Variants in GRM5 observed in about 807,000 individuals in gnomAD.
GRM5 encodes metabotropic glutamate receptor 5.
Under a neutral mutation model 83.1 loss-of-function variants are expected in GRM5, and 19 were observed. The ratio of observed to expected loss-of-function variants is 0.23; its 90% CI spans 0.16 to 0.34. The LOEUF is 0.34. Among genes scored for constraint, GRM5 ranks in the 10% least tolerant of loss-of-function variants. GRM5 has a pLI of 1.00. For synonymous variants in GRM5, 675 were observed against 633.6 expected (o/e 1.07, Z -0.98); for missense variants, 1,160 against 1,588.3 (o/e 0.73, Z 4.58).
intron 2 of GRM5, among the ~76,000 whole-genome samples, chr11:88,941,058 G>C (rs908848636): frequency 1.1e-4 from 16 of 151,778 alleles, no homozygotes; most frequent in Admixed American, 8.6e-4. Context: ...TTAGATCTTT[G>C]TTTCTAAACA....
At chr11:88,873,269 TTCAACACCCC>T (rs1257146251) in intron 2 of GRM5, among the ~76,000 whole-genome samples, 2 of 151,576 alleles carry the variant, frequency 1.3e-5, no homozygotes, top group African/African-American at 2.4e-5. Context: ...AGCGGTGGGT[TTCAACACCCC>T]ACTTTTAGCA....
chr11:88,993,089 A>G (rs1376268533), intron 2 of GRM5, among the ~76,000 whole-genome samples: 1 of 151,578 alleles, frequency 6.6e-6, no homozygotes, highest in East Asian at 1.9e-4. Flanking sequence ...ACATAGTGAA[A>G]CCCACCTCTA....
intron 2 of GRM5, among the ~76,000 whole-genome samples, chr11:88,872,571 G>A (rs1490952243): frequency 6.6e-6 from 1 of 151,212 alleles, no homozygotes; most frequent in African/African-American, 2.4e-5. Context: ...TGCAAGGAAG[G>A]GATGAAAAAT....
At chr11:88,560,193 C>T (rs182198000) in intron 8 of GRM5, among the ~76,000 whole-genome samples, 97 of 152,276 alleles carry the variant, frequency 6.4e-4, no homozygotes, top group African/African-American at 2.2e-3. Flanking sequence ...TGGCTCTATC[C>T]TGTCCTACTG....
At chr11:88,846,661 A>G (rs1944307979) in intron 3 of GRM5, among the ~76,000 whole-genome samples, 1 of 152,068 alleles carries the variant, frequency 6.6e-6, no homozygotes, top group Admixed American at 6.6e-5. Flanking sequence ...ACCTTCTAGT[A>G]GGCTCTAAAT....
intron 3 of GRM5, among the ~76,000 whole-genome samples, chr11:88,699,519 C>CCAT (rs1940979143): frequency 6.6e-6 from 1 of 152,124 alleles, no homozygotes; most frequent in African/African-American, 2.4e-5. Context: ...CTGGGCCTCT[C>CCAT]CATCATCTTC....
At chr11:88,853,400 C>T (rs1201694536) in intron 2 of GRM5, among the ~76,000 whole-genome samples, 1 of 151,960 alleles carries the variant, frequency 6.6e-6, no homozygotes, top group Non-Finnish European at 1.5e-5. Flanking sequence ...TAAAGTCACT[C>T]ACTCCCAATT....
chr11:88,820,531 T>C (rs959853346), intron 3 of GRM5, among the ~76,000 whole-genome samples: 31 of 152,338 alleles, frequency 2.0e-4, no homozygotes, highest in Admixed American at 1.2e-3. Context: ...CACTTTATAA[T>C]TTGAAAAACT....
At chr11:88,659,182 G>C (rs79689086) in intron 3 of GRM5, among the ~76,000 whole-genome samples, 1 of 152,126 alleles carries the variant, frequency 6.6e-6, no homozygotes, top group Non-Finnish European at 1.5e-5. Flanking sequence ...TTAATGATTC[G>C]TGGGAGGAGA....
chr11:88,646,750 A>C (rs1939465500), intron 4 of GRM5, among the ~76,000 whole-genome samples: 1 of 152,032 alleles, frequency 6.6e-6, no homozygotes. Context: ...AAAATGAACT[A>C]ACACAAAGAG....
At chr11:88,777,355 T>A (rs1030417477) in intron 3 of GRM5, among the ~76,000 whole-genome samples, 26 of 152,162 alleles carry the variant, frequency 1.7e-4, no homozygotes, top group African/African-American at 5.6e-4. Flanking sequence ...TTTTCAAGGT[T>A]TTTAGCTTCC....
intron 2 of GRM5, among the ~76,000 whole-genome samples, chr11:88,972,706 G>A (rs1255512343): frequency 6.6e-6 from 1 of 152,032 alleles, no homozygotes; most frequent in African/African-American, 2.4e-5. Flanking sequence ...ATGAAAAATG[G>A]AGTATTCACA....
At chr11:88,816,474 G>A (rs180699115) in intron 3 of GRM5, among the ~76,000 whole-genome samples, 86 of 150,234 alleles carry the variant, frequency 5.7e-4, no homozygotes, top group African/African-American at 2.0e-3. Context: ...GGGAGGCAGA[G>A]GTTGTGGTGA....
At chr11:89,050,093 T>C (rs1031424653) in intron 1 of GRM5, among the ~76,000 whole-genome samples, 1 of 152,202 alleles carries the variant, frequency 6.6e-6, no homozygotes, top group African/African-American at 2.4e-5. Context: ...ATCAATCCCA[T>C]GCATTTTATT....
intron 4 of GRM5, among the ~76,000 whole-genome samples, chr11:88,638,607 T>C (rs1939205125): frequency 6.6e-6 from 1 of 152,130 alleles, no homozygotes. Context: ...GTGAAACCAA[T>C]CTGGGCCTGG....
At chr11:88,537,368 A>G (rs921314676) in intron 8 of GRM5, among the ~76,000 whole-genome samples, 1 of 152,296 alleles carries the variant, frequency 6.6e-6, no homozygotes, top group South Asian at 2.1e-4. Flanking sequence ...AGGCTGTAAA[A>G]GAGGCATCAC....
intron 2 of GRM5, among the ~76,000 whole-genome samples, chr11:88,956,097 C>T (rs544337987): frequency 2.0e-5 from 3 of 152,208 alleles, no homozygotes; most frequent in Non-Finnish European, 2.9e-5. Context: ...ATTCCTGATA[C>T]TATTCACAAG....
intron 2 of GRM5, chr11:88,911,961 T>A (rs626218): frequency 0.89 from 398,656 of 450,438 alleles, 178,458 homozygotes; most frequent in Non-Finnish European, 0.95. Flanking sequence ...GTACGAAATT[T>A]TTTATTGTCT....
At chr11:88,822,482 T>A (rs75089629) in intron 3 of GRM5, among the ~76,000 whole-genome samples, 9 of 152,280 alleles carry the variant, frequency 5.9e-5, no homozygotes, top group Non-Finnish European at 1.3e-4. Context: ...GATGGATGAG[T>A]AGGAATTAGC....
Sources: gnomAD v4.1 joint callset for allele counts (sites outside exome capture counted in the v4.1 genomes callset) on GRCh38, gnomAD v4.1.1 for gene constraint, MANE v1.5 for transcripts, NCBI Gene and HGNC (gene_info 2026-07-23, HGNC 2026-07-21) for gene names.